Variants in IL12RB2 observed in about 807,000 individuals in gnomAD.
IL12RB2 encodes interleukin 12 receptor subunit beta 2, also known as interleukin-12 receptor subunit beta-2.
A neutral mutation model predicts 89.4 loss-of-function variants in IL12RB2; 82 were observed. The observed-to-expected ratio is 0.92, with a 90% CI of 0.77 to 1.10. The LOEUF is 1.10. Among genes scored for constraint, IL12RB2 ranks in the 50% least tolerant of loss-of-function variants. The pLI is 0.00. For synonymous variants in IL12RB2, 368 were observed against 370.1 expected (o/e 0.99, Z 0.07); for missense variants, 963 against 1,031.9 (o/e 0.93, Z 0.92).
intron 2 of IL12RB2, among the ~76,000 whole-genome samples, chr1:67,319,086 G>C (rs145319016): frequency 6.6e-6 from 1 of 152,214 alleles, no homozygotes. Context: ...CTAGCACTTA[G>C]TGTGCCTAGC....
chr1:67,354,428 G>A (rs572454778), intron 10 of IL12RB2, among the ~76,000 whole-genome samples: 30 of 152,184 alleles, frequency 2.0e-4, no homozygotes, highest in Non-Finnish European at 4.1e-4. Context: ...ACCAAAAGAG[G>A]GAAGAGGAAC....
intron 2 of IL12RB2, among the ~76,000 whole-genome samples, chr1:67,316,810 C>G (rs1655837292): frequency 1.3e-5 from 2 of 152,208 alleles, no homozygotes; most frequent in South Asian, 4.1e-4. Flanking sequence ...CTGCAAACGC[C>G]TTTGTTGACA....
chr1:67,381,973 G>A lies in IL12RB2; in HGVS notation c.1855+1850G>A, dbSNP rs535649773. On this transcript the variant is annotated intron_variant, in intron 14 of 16. Transcript: ENST00000674203. ...TGCACTCCAGCCTGGGTGACAGAGC[G>A]AGACTCTGTCTCAAAAATAAAAAAA... Among the ~76,000 whole-genome samples the A allele has an allele frequency of 4.5e-4, 68 of 152,054 alleles. 1 individual carries two copies. In the East Asian group the frequency reaches 8.2e-3, roughly 18 times the overall value.
chr1:67,362,150 A>G (rs538995414), intron 10 of IL12RB2, among the ~76,000 whole-genome samples: 1 of 152,212 alleles, frequency 6.6e-6, no homozygotes, highest in African/African-American at 2.4e-5. Flanking sequence ...ATGTGCCTAT[A>G]ATCCCAGCTA....
At chr1:67,380,180 C>G (rs1026383567) in intron 14 of IL12RB2, 57 bp downstream of exon 14, 1 of 1,552,122 alleles carries the variant, frequency 6.4e-7, no homozygotes, top group South Asian at 1.1e-5. Flanking sequence ...CAGGCATGCA[C>G]TCCTATTACA....
chr1:67,395,911 A>T lies in IL12RB2; in HGVS notation c.2411A>T (p.Asn804Ile), dbSNP rs749439720. The T allele has an allele frequency of 6.2e-7, 1 of 1,610,966 alleles. No homozygotes were observed. The highest frequency in any genetic ancestry group is 8.5e-7 in the Non-Finnish European group (1 of 1,177,208). Residue 804 changes from asparagine (N) to isoleucine (I), a missense_variant, in exon 17 of 17, where the codon AAC (asparagine) becomes ATC (isoleucine). Asn to Ile is a moderately radical substitution (Grantham distance 149, BLOSUM62 -3). Transcript: ENST00000674203. ...ACCCATGATGGCTACTTACCCTCCA[A>T]CATAGATGACCTCCCCTCACATGAG... is the stretch of plus-strand genomic sequence containing the variant. ...LPTHDGYLPS[N>I]IDDLPSHEAP...
At chr1:67,342,339 C>T (rs913075252) in intron 9 of IL12RB2, among the ~76,000 whole-genome samples, 2 of 152,084 alleles carry the variant, frequency 1.3e-5, no homozygotes, top group Non-Finnish European at 2.9e-5. Context: ...CAAGTAAAAC[C>T]CCATTTGCCT....
chr1:67,315,654 T>G (rs1655666837), intron 2 of IL12RB2, among the ~76,000 whole-genome samples: 1 of 152,060 alleles, frequency 6.6e-6, no homozygotes, highest in African/African-American at 2.4e-5. Flanking sequence ...CATGAAAAAA[T>G]GAAGACCCAA....
At chr1:67,349,734 C>T (rs1198703891) in intron 9 of IL12RB2, among the ~76,000 whole-genome samples, 3 of 152,154 alleles carry the variant, frequency 2.0e-5, no homozygotes, top group Non-Finnish European at 4.4e-5. Flanking sequence ...AAACTAGATG[C>T]TCATGGATTA....
chr1:67,385,875 C>G (rs1360635081), intron 14 of IL12RB2, among the ~76,000 whole-genome samples: 1 of 152,146 alleles, frequency 6.6e-6, no homozygotes. Context: ...TTCATGACAA[C>G]CAGCAAGGTA....
chr1:67,356,308 T>C (rs1661388510), intron 10 of IL12RB2, among the ~76,000 whole-genome samples: 1 of 152,210 alleles, frequency 6.6e-6, no homozygotes, highest in African/African-American at 2.4e-5. Context: ...TTGTTCTCTT[T>C]GTTTTTTCCT....
chr1:67,374,811 G>A (rs1378321385), intron 13 of IL12RB2, among the ~76,000 whole-genome samples: 2 of 103,768 alleles, frequency 1.9e-5, no homozygotes, highest in Non-Finnish European at 3.6e-5. Context: ...TTTTTTAACA[G>A]TAAGCCATCT....
chr1:67,339,486 C>CA (rs200086991), intron 9 of IL12RB2, among the ~76,000 whole-genome samples: 10,775 of 76,972 alleles, frequency 0.14, 434 homozygotes, highest in Middle Eastern at 0.24. Context: ...GACTACGTTT[C>CA]AAAAAAAAAA....
chr1:67,384,609 A>G (rs1223661676), intron 14 of IL12RB2, among the ~76,000 whole-genome samples: 1 of 152,204 alleles, frequency 6.6e-6, no homozygotes, highest in Non-Finnish European at 1.5e-5. Context: ...CCCAGAAAAT[A>G]GGGTTTTCTT....
Position 67,372,412 on chromosome 1 carries a change from A to C in IL12RB2, c.1460-24A>C, listed in dbSNP as rs752293641. The C allele has an allele frequency of 3.2e-6, 4 of 1,241,758 alleles. 1 individual carries two copies. In the South Asian group the frequency reaches 4.8e-5, roughly 15 times the overall value. The allele number at this position is 1,241,758 out of a possible 1,614,324, so 76.9% of individuals were successfully genotyped here. A position where few individuals can be genotyped will look rare whatever the true frequency, so the allele number is the denominator to read the frequency against. ...ACTCACCAGTAATGGCACGGCTGTTATGGGAATTCCCTTTTCCTTGCAGAG... is the reference window on the plus strand; with the variant it reads ...ACTCACCAGTAATGGCACGGCTGTTCTGGGAATTCCCTTTTCCTTGCAGAG... On this transcript the variant is annotated intron_variant, in intron 11 of 16. Coordinates refer to ENST00000674203, the MANE Select transcript of IL12RB2 (RefSeq NM_001374259.2).
intron 1 of IL12RB2, among the ~76,000 whole-genome samples, chr1:67,313,169 T>C (rs1489672722): frequency 6.6e-6 from 1 of 152,230 alleles, no homozygotes; most frequent in Non-Finnish European, 1.5e-5. Flanking sequence ...GGTTAGCTAA[T>C]TGGTAACTTG....
intron 10 of IL12RB2, among the ~76,000 whole-genome samples, chr1:67,361,492 A>T (rs1328287868): frequency 1.3e-5 from 2 of 152,254 alleles, no homozygotes; most frequent in Non-Finnish European, 2.9e-5. Flanking sequence ...AATGCTAGAG[A>T]TCAAAAACAG....
chr1:67,314,291 T>A (rs976598552), intron 2 of IL12RB2, among the ~76,000 whole-genome samples: 1 of 152,118 alleles, frequency 6.6e-6, no homozygotes, highest in African/African-American at 2.4e-5. Context: ...AACATACAAC[T>A]CTAGTACACT....
Position 67,338,656 on chromosome 1 carries a change from A to G in IL12RB2, c.991A>G (p.Lys331Glu). 8.3e-6 allele frequency: 13 copies of G among 1,561,188 alleles called. No individual in the cohort carries two copies. The highest frequency in any genetic ancestry group is 1.1e-5 in the Non-Finnish European group (13 of 1,131,688). Residue 331 changes from lysine (K) to glutamate (E), a missense_variant, in exon 9 of 17, where the codon AAA becomes GAA. Lys to Glu is a moderately conservative substitution (Grantham distance 56, BLOSUM62 1). Coordinates refer to ENST00000674203, the MANE Select transcript of IL12RB2 (RefSeq NM_001374259.2). ...TGGGATGTTAGATGTCTGGTACATG[A>G]AACGGCACATTGACTACAGTAGACA... is the stretch of plus-strand genomic sequence containing the variant. ...PTGMLDVWYM[K>E]RHIDYSRQQI...
Sources: allele counts gnomAD v4.1 joint callset (sites outside exome capture counted in the v4.1 genomes callset), GRCh38; gene constraint gnomAD v4.1.1; transcripts MANE v1.5; gene names NCBI Gene and HGNC (gene_info 2026-07-23, HGNC 2026-07-21).